MAGI2: variants seen among roughly 807,000 people sequenced by gnomAD.
MAGI2 encodes membrane-associated guanylate kinase, WW and PDZ domain-containing protein 2.
MAGI2 carries 35 observed loss-of-function variants against 133.3 expected under a neutral mutation model. The ratio of observed to expected loss-of-function variants is 0.26; its 90% confidence interval spans 0.20 to 0.35. The LOEUF (loss-of-function observed/expected upper bound fraction) is 0.35. Among genes scored for constraint, MAGI2 ranks in the 10% least tolerant of loss-of-function variants. MAGI2 has a pLI of 1.00. For missense variants in MAGI2, 1,636 were observed against 1,863.4 expected, an observed-to-expected ratio of 0.88 and a Z score of 2.25; for synonymous variants, 729 against 710.6, an observed-to-expected ratio of 1.03 and a Z score of -0.41.
intron 2 of MAGI2, among the ~76,000 whole-genome samples, chr7:78,713,799 G>T (rs1819440500): frequency 6.6e-6 from 1 of 152,060 alleles, no homozygotes; most frequent in Non-Finnish European, 1.5e-5. Context: ...AATGCATGGA[G>T]AACCATGCAT....
chr7:78,088,125 G>C (rs56257962), intron 20 of MAGI2, among the ~76,000 whole-genome samples: 7,800 of 152,200 alleles, frequency 0.051, 684 homozygotes, highest in African/African-American at 0.18. Context: ...CTCTGTATGA[G>C]TGTTATTTCT....
chr7:78,612,066 T>C (rs1806509050), intron 3 of MAGI2, among the ~76,000 whole-genome samples: 1 of 152,260 alleles, frequency 6.6e-6, no homozygotes, highest in Non-Finnish European at 1.5e-5. Flanking sequence ...TATACATCTC[T>C]ACTCTCTTAT....
intron 1 of MAGI2, among the ~76,000 whole-genome samples, chr7:79,027,118 G>C (rs1365062241): frequency 6.6e-6 from 1 of 151,874 alleles, no homozygotes; most frequent in African/African-American, 2.4e-5. Flanking sequence ...AATTAGTACA[G>C]CTGTTATGAA....
intron 2 of MAGI2, among the ~76,000 whole-genome samples, chr7:78,896,706 T>C (rs1373623339): frequency 2.6e-5 from 4 of 151,978 alleles, no homozygotes; most frequent in Middle Eastern, 3.2e-3. Context: ...TAACTGGGAC[T>C]ACAGATGCGT....
chr7:78,535,365 G>A (rs895373430), intron 3 of MAGI2, among the ~76,000 whole-genome samples: 10 of 152,150 alleles, frequency 6.6e-5, no homozygotes, highest in African/African-American at 2.4e-4. Flanking sequence ...AAGCCCTTAG[G>A]GGTTTTAAAA....
chr7:78,739,643 A>G (rs1385771087), intron 2 of MAGI2, among the ~76,000 whole-genome samples: 1 of 152,192 alleles, frequency 6.6e-6, no homozygotes, highest in Non-Finnish European at 1.5e-5. Context: ...CTATTGGCTT[A>G]TAATTATTAC....
At chr7:79,214,437 AT>A (rs1563003616) in intron 1 of MAGI2, among the ~76,000 whole-genome samples, 19 of 127,468 alleles carry the variant, frequency 1.5e-4, no homozygotes, top group South Asian at 2.5e-4. Context: ...ATATATATAT[AT>A]ATATAAATAT....
chr7:78,382,649 G>A (rs2151295238), intron 6 of MAGI2, among the ~76,000 whole-genome samples: 1 of 152,180 alleles, frequency 6.6e-6, no homozygotes, highest in African/African-American at 2.4e-5. Flanking sequence ...TACCACCCTA[G>A]TACAATACAA....
chr7:79,165,907 C>T (rs1323680169), intron 1 of MAGI2, among the ~76,000 whole-genome samples: 2 of 152,022 alleles, frequency 1.3e-5, no homozygotes, highest in Admixed American at 1.3e-4. Flanking sequence ...GAGGTAACTA[C>T]AATCACATCA....
Position 78,106,413 on chromosome 7 carries a change from G to T in MAGI2, c.3567+19281C>A, listed in dbSNP as rs370103018. ...GATCATATAGTTCTACTTTTAGGGG[G>T]TTTTTTGAGGAACTTCCACACAGTT... is the stretch of plus-strand genomic sequence containing the variant. On this transcript the variant is annotated intron_variant, in intron 20 of 21. Coordinates refer to ENST00000354212, the MANE Select transcript of MAGI2 (RefSeq NM_012301.4). Among the ~76,000 whole-genome samples, 14 of 152,088 alleles carry T rather than the reference G, an allele frequency of 9.2e-5. No homozygotes were observed. The South Asian group carries it at 1.2e-3, about 14-fold the overall frequency.
At chr7:78,416,217 C>T (rs112841364) in intron 6 of MAGI2, among the ~76,000 whole-genome samples, 1 of 152,150 alleles carries the variant, frequency 6.6e-6, no homozygotes, top group Non-Finnish European at 1.5e-5. Flanking sequence ...AGGAGGGATG[C>T]AAATGATTCC....
At chr7:78,279,692 A>T (rs1470030171) in intron 9 of MAGI2, among the ~76,000 whole-genome samples, 1 of 151,936 alleles carries the variant, frequency 6.6e-6, no homozygotes, top group Non-Finnish European at 1.5e-5. Flanking sequence ...CAGTCATGGG[A>T]TATATACATG....
At chr7:78,779,646 A>G (rs1488559854) in intron 2 of MAGI2, among the ~76,000 whole-genome samples, 1 of 152,186 alleles carries the variant, frequency 6.6e-6, no homozygotes, top group Non-Finnish European at 1.5e-5. Flanking sequence ...CGAAACACAG[A>G]TATTGAACTT....
At chr7:78,920,345 T>G (rs1184463831) in intron 2 of MAGI2, among the ~76,000 whole-genome samples, 1 of 152,190 alleles carries the variant, frequency 6.6e-6, no homozygotes, top group Non-Finnish European at 1.5e-5. Context: ...TATCAATGTC[T>G]TAGAATAATT....
At chr7:79,025,208 G>A (rs1188749647) in intron 1 of MAGI2, among the ~76,000 whole-genome samples, 1 of 152,088 alleles carries the variant, frequency 6.6e-6, no homozygotes, top group Non-Finnish European at 1.5e-5. Flanking sequence ...GCAGTACCAT[G>A]GATAGAGTGG....
intron 2 of MAGI2, among the ~76,000 whole-genome samples, chr7:78,884,137 A>G (rs968324425): frequency 6.6e-6 from 1 of 152,152 alleles, no homozygotes; most frequent in African/African-American, 2.4e-5. Context: ...AGAATCTATA[A>G]AAAACGTAAA....
intron 1 of MAGI2, among the ~76,000 whole-genome samples, chr7:79,425,219 TCCAG>T (rs1171925468): frequency 6.8e-6 from 1 of 147,968 alleles, no homozygotes; most frequent in Non-Finnish European, 1.5e-5. Flanking sequence ...ACCAATGCAC[TCCAG>T]CCTGGGCGAC....
intron 2 of MAGI2, among the ~76,000 whole-genome samples, chr7:78,772,496 A>G (rs1825674108): frequency 6.6e-6 from 1 of 152,234 alleles, no homozygotes; most frequent in African/African-American, 2.4e-5. Context: ...TATCCTTGCC[A>G]CAAAAGATAA....
intron 9 of MAGI2, among the ~76,000 whole-genome samples, chr7:78,325,108 T>C (rs182634409): frequency 9.3e-4 from 141 of 152,342 alleles, no homozygotes; most frequent in Non-Finnish European, 1.4e-3. Flanking sequence ...ACCTTCCTTT[T>C]GGTAGCTATT....
Sources: gnomAD v4.1 joint callset for allele counts (sites outside exome capture counted in the v4.1 genomes callset) on GRCh38, gnomAD v4.1.1 for gene constraint, MANE v1.5 for transcripts, NCBI Gene and HGNC (gene_info 2026-07-23, HGNC 2026-07-21) for gene names.